The following NTM variants were observed in gnomAD, a reference collection of about 807,000 sequenced individuals.
NTM encodes the protein neurotrimin, also known as IgLON family member 2.
NTM carries 13 observed loss-of-function variants against 42.1 expected under a neutral mutation model. That is an observed-to-expected ratio of 0.31 (90% CI 0.20 to 0.49). The LOEUF is 0.49. Ranked by LOEUF, NTM falls within the 20% of genes least tolerant of loss-of-function variation. The pLI is 0.99. For synonymous variants in NTM, 187 were observed against 179.2 expected (o/e 1.04, Z -0.35); for missense variants, 373 against 452.8 (o/e 0.82, Z 1.60).
At chr11:131,412,363 T>C (rs868673079) in intron 1 of NTM, among the ~76,000 whole-genome samples, 4 of 152,170 alleles carry the variant, frequency 2.6e-5, no homozygotes, top group Admixed American at 6.5e-5. Context: ...AATGATACTG[T>C]GCAGAAGAAA....
intron 1 of NTM, among the ~76,000 whole-genome samples, chr11:131,633,612 ACTCTCTCCCTCTCTCTATCTCTGCCT>A (rs1565354528): frequency 4.3e-5 from 1 of 23,016 alleles, no homozygotes; most frequent in Non-Finnish European, 9.1e-5. Flanking sequence ...TCCCTCTCTC[ACTCTCTCCCTCTCTCTATCTCTGCCT>A]CTCTCTCCCT....
intron 1 of NTM, among the ~76,000 whole-genome samples, chr11:131,456,581 A>T (rs201256991): frequency 0.06 from 9,174 of 151,964 alleles, 633 homozygotes; most frequent in East Asian, 0.21. Context: ...GCTTGCAAAG[A>T]GGGGGTTCAG....
intron 8 of NTM, among the ~76,000 whole-genome samples, chr11:132,332,991 A>G (rs1250884146): frequency 6.6e-6 from 1 of 152,094 alleles, no homozygotes; most frequent in Non-Finnish European, 1.5e-5. Context: ...TGAACAGGAA[A>G]TGGGTTTCAA....
At chr11:131,597,822 T>C (rs2059947183) in intron 1 of NTM, among the ~76,000 whole-genome samples, 1 of 152,070 alleles carries the variant, frequency 6.6e-6, no homozygotes, top group South Asian at 2.1e-4. Context: ...TTATTATCTT[T>C]GTTAAGCCTT....
chr11:131,988,628 C>A (rs1436373893), intron 2 of NTM, among the ~76,000 whole-genome samples: 1 of 152,154 alleles, frequency 6.6e-6, no homozygotes, highest in Non-Finnish European at 1.5e-5. Context: ...TTTCTCCAAG[C>A]TGGGAAAATG....
chr11:132,210,053 G>T (rs2082596460), intron 3 of NTM, among the ~76,000 whole-genome samples: 1 of 152,136 alleles, frequency 6.6e-6, no homozygotes, highest in Non-Finnish European at 1.5e-5. Flanking sequence ...ATTAAAATTT[G>T]CAAACCCATC....
rs562494394 is a variant in NTM, at chr11:131,558,140, G to A, written c.82+187252G>A. On this transcript the variant is annotated intron_variant, in intron 1 of 8. Transcript: ENST00000683400. ...AAACAGACACCATTCTGTGCAAGGC[G>A]GATGCTTGAGGTTGATGTGGGCCTG... Among the ~76,000 whole-genome samples, 15 of 152,272 alleles carry A rather than the reference G, an allele frequency of 9.9e-5. No homozygotes were observed. In the East Asian group the frequency reaches 2.5e-3, roughly 26 times the overall value.
chr11:131,650,778 T>A (rs530709788), intron 1 of NTM, among the ~76,000 whole-genome samples: 1 of 152,218 alleles, frequency 6.6e-6, no homozygotes, highest in South Asian at 2.1e-4. Flanking sequence ...TTTAAAAAAA[T>A]TACTGGGAAA....
Position 131,795,481 on chromosome 11 carries a change from G to T in NTM, c.83-116083G>T, listed in dbSNP as rs1007747594. 4 of 985,422 alleles carry T rather than the reference G, an allele frequency of 4.1e-6. No individual in the cohort carries two copies. The African/African-American group carries it at 5.2e-5, about 13-fold the overall frequency. The allele number at this position is 985,422 out of a possible 1,614,324, so 61.0% of individuals were successfully genotyped here. A position where few individuals can be genotyped will look rare whatever the true frequency, so the allele number is the denominator to read the frequency against. On this transcript the variant is annotated intron_variant, in intron 1 of 8. Coordinates refer to ENST00000683400, the MANE Select transcript of NTM (RefSeq NM_001352005.2). Reference sequence around the variant, plus strand: ...CAGCTTGTGGAAATGATACCTGGTTGCCTCCAAGCTGCCCTTTATTGCTCT... The same window carrying T: ...CAGCTTGTGGAAATGATACCTGGTTTCCTCCAAGCTGCCCTTTATTGCTCT...
intron 2 of NTM, among the ~76,000 whole-genome samples, chr11:132,038,298 A>G (rs1476110264): frequency 6.6e-6 from 1 of 152,248 alleles, no homozygotes; most frequent in East Asian, 1.9e-4. Flanking sequence ...TTGACCAAAG[A>G]TATTTCCAAG....
At chr11:131,468,142 C>A (rs550202861) in intron 1 of NTM, among the ~76,000 whole-genome samples, 1 of 152,310 alleles carries the variant, frequency 6.6e-6, no homozygotes, top group South Asian at 2.1e-4. Flanking sequence ...CTGGCAGGTG[C>A]ACAGCCTGCC....
At chr11:131,509,334 C>T (rs188358107) in intron 1 of NTM, among the ~76,000 whole-genome samples, 2 of 152,310 alleles carry the variant, frequency 1.3e-5, no homozygotes, top group East Asian at 1.9e-4. Context: ...GCTTTGGTCT[C>T]CCTTTACTCT....
intron 4 of NTM, among the ~76,000 whole-genome samples, chr11:132,253,467 A>G (rs3133898): frequency 2.0e-5 from 3 of 152,006 alleles, no homozygotes; most frequent in African/African-American, 4.8e-5. Flanking sequence ...AAAAACAGAG[A>G]AGAATGATTT....
At chr11:131,569,345 C>T (rs1486713375) in intron 1 of NTM, among the ~76,000 whole-genome samples, 2 of 151,032 alleles carry the variant, frequency 1.3e-5, no homozygotes, top group Non-Finnish European at 3.0e-5. Flanking sequence ...AGGGTTTAAC[C>T]ATGTTGGCCA....
intron 4 of NTM, among the ~76,000 whole-genome samples, chr11:132,251,809 G>A (rs1374790304): frequency 6.6e-5 from 10 of 152,188 alleles, no homozygotes; most frequent in Non-Finnish European, 1.3e-4. Context: ...CTTATGTGTG[G>A]GACTTGGAAT....
chr11:131,794,499 G>A (rs1186257654), intron 1 of NTM: 1 of 985,212 alleles, frequency 1.0e-6, no homozygotes, highest in African/African-American at 1.7e-5. Context: ...TGTTCCTTGG[G>A]AGTCAGCCTA....
chr11:131,438,863 G>A (rs545159950), intron 1 of NTM, among the ~76,000 whole-genome samples: 12 of 152,282 alleles, frequency 7.9e-5, no homozygotes, highest in Non-Finnish European at 1.5e-4. Context: ...GAGAAGAGAC[G>A]CTCTGGTTTT....
intron 2 of NTM, among the ~76,000 whole-genome samples, chr11:132,006,129 T>C (rs2070718019): frequency 1.3e-5 from 2 of 152,106 alleles, no homozygotes; most frequent in African/African-American, 4.8e-5. Flanking sequence ...ACAACTCCTT[T>C]AATAAGAGTG....
At chr11:132,149,065 G>A (rs978729886) in intron 3 of NTM, among the ~76,000 whole-genome samples, 8 of 152,160 alleles carry the variant, frequency 5.3e-5, no homozygotes, top group South Asian at 2.1e-4. Context: ...AAGCTAATCC[G>A]CTGTCGATAT....
Sources: allele counts gnomAD v4.1 joint callset (sites outside exome capture counted in the v4.1 genomes callset), GRCh38; gene constraint gnomAD v4.1.1; transcripts MANE v1.5; gene names NCBI Gene and HGNC (gene_info 2026-07-23, HGNC 2026-07-21).